Variants in ETV1 observed in about 807,000 individuals in gnomAD.
The protein encoded by ETV1 is ETS translocation variant 1.
Under a neutral mutation model 62.3 loss-of-function variants are expected in ETV1, and 27 were observed. The ratio of observed to expected loss-of-function variants is 0.43; its 90% CI spans 0.32 to 0.60. The LOEUF (loss-of-function observed/expected upper bound fraction) is 0.60. ETV1 is among the 20% of genes least tolerant of loss of function. ETV1 has a pLI of 0.06. For missense variants in ETV1, 605 were observed against 605.8 expected (o/e 1.00, Z 0.01); for synonymous variants, 222 against 199.6 (o/e 1.11, Z -0.94).
In ETV1 at chr7:13,935,854, G is replaced by T. The variant is rs1488719060; in HGVS notation, c.408C>A (p.Asn136Lys). The T allele has an allele frequency of 2.5e-6, 4 of 1,613,832 alleles. No individual in the cohort carries two copies. The highest frequency in any genetic ancestry group is 3.4e-6 in the Non-Finnish European group (4 of 1,179,808). Residue 136 changes from asparagine (N) to lysine (K), a missense_variant, in exon 8 of 14, where the codon AAC becomes AAA. Asn to Lys is a moderately conservative substitution (Grantham distance 94). Transcript: ENST00000430479. Reference sequence around the variant, plus strand: ...CTGGCGTGCTGGATGGTGTGGGGGGGTTGGAGGGCCTCATTCCCACTTGTG... The same window carrying T: ...CTGGCGTGCTGGATGGTGTGGGGGGTTTGGAGGGCCTCATTCCCACTTGTG... ...QKPQVGMRPS[N>K]PPTPSSTPVS...
At chr7:13,990,748 C>T (rs1183067970), upstream of ETV1, 1 of 152,218 alleles carries the variant, frequency 6.6e-6, no homozygotes, top group Non-Finnish European at 1.5e-5. Flanking sequence ...GAGCCAGTGT[C>T]CAACAGCGGA....
At chr7:13,977,034 T>G (rs143224394) in intron 6 of ETV1, among the ~76,000 whole-genome samples, 24 of 152,334 alleles carry the variant, frequency 1.6e-4, no homozygotes, top group African/African-American at 5.5e-4. Flanking sequence ...CTCAAGTAGT[T>G]TTTAACTCTA....
intron 6 of ETV1, among the ~76,000 whole-genome samples, chr7:13,965,085 C>T (rs757699): frequency 0.57 from 86,683 of 152,050 alleles, 25,259 homozygotes; most frequent in Admixed American, 0.67. Context: ...CATTCCCAAA[C>T]GGCTGTTCTC....
upstream of ETV1, chr7:13,989,729 A>T (rs1398636340): frequency 7.5e-6 from 3 of 397,428 alleles, no homozygotes; most frequent in Non-Finnish European, 4.4e-6. Context: ...ATCCAAACTG[A>T]TGGATCGCTG....
rs1782861115 is a variant in ETV1, at chr7:13,989,479, ACACCTCT to A, written c.-284-22_-284-16del. 2.5e-6 allele frequency: 1 copy of A among 403,132 alleles called. No individual in the cohort carries two copies. The highest frequency in any genetic ancestry group is 3.6e-5 in the East Asian group (1 of 28,154). The allele number at this position is 403,132 out of a possible 1,614,324, so 25.0% of individuals were successfully genotyped here. On this transcript the variant is annotated splice_polypyrimidine_tract_variant and intron_variant, in intron 1 of 13. Coordinates refer to ENST00000430479, the MANE Select transcript of ETV1 (RefSeq NM_004956.5). ...ACCTAACGGGACTAAAGAGACGGAG[ACACCTCT>A]TTCATCAGGATAGTTTTTGCGACCC...
chr7:13,903,996 T>A (rs965912971), intron 12 of ETV1, among the ~76,000 whole-genome samples: 2 of 152,094 alleles, frequency 1.3e-5, no homozygotes, highest in Non-Finnish European at 2.9e-5. Flanking sequence ...CCATCAGTAA[T>A]TCCAATAAGA....
chr7:13,984,820 A>G (rs1383788497), intron 5 of ETV1, among the ~76,000 whole-genome samples: 3 of 152,030 alleles, frequency 2.0e-5, no homozygotes, highest in Non-Finnish European at 4.4e-5. Context: ...AGGTATGTTA[A>G]TAATCCCGGA....
chr7:13,920,996 T>C (rs1784781767), intron 9 of ETV1, among the ~76,000 whole-genome samples: 2 of 152,196 alleles, frequency 1.3e-5, no homozygotes, highest in African/African-American at 4.8e-5. Context: ...GATCTACTAG[T>C]CCACAAATCA....
rs540353884 is a variant in ETV1 at position 13,935,734 on chromosome 7, T to C, written c.528A>G (p.Pro176=). ...PAHLPPSQSI[P]DSSYPMDHRF... ...TGTGGTCCATGGGGTAGCTGCTATC[T>C]GGTATGGACTGCGATGGAGGGAGGT... Residue 176 remains proline (P), a synonymous_variant, in exon 8 of 14, where the codon CCA becomes CCG. Coordinates refer to ENST00000430479, the MANE Select transcript of ETV1 (RefSeq NM_004956.5). The C allele has an allele frequency of 2.4e-5, 38 of 1,613,866 alleles. No homozygotes were observed. In the East Asian group the frequency reaches 6.0e-4, roughly 26 times the overall value.
chr7:13,939,104 C>G lies in ETV1; in HGVS notation c.365+13G>C, dbSNP rs191680052. The stretch of plus-strand genomic sequence containing the variant: ...GAACCACTATCCTACATACATACAC[C>G]TGGTGGCTTTACCTGACATTGTACA... On this transcript the variant is annotated intron_variant, in intron 7 of 13. Transcript: ENST00000430479. 4.3e-6 allele frequency: 7 copies of G among 1,610,918 alleles called. No individual in the cohort carries two copies. Among genetic ancestry groups the G allele is most frequent in the Admixed American group, 1.7e-5 (1 of 59,370 alleles).
intron 6 of ETV1, among the ~76,000 whole-genome samples, chr7:13,968,338 A>T (rs1437627187): frequency 1.3e-5 from 2 of 151,932 alleles, no homozygotes; most frequent in Non-Finnish European, 2.9e-5. Flanking sequence ...AAGAGCAAGC[A>T]CCAGTTTTGT....
intron 8 of ETV1, among the ~76,000 whole-genome samples, chr7:13,933,936 G>T (rs73276809): frequency 0.022 from 3,320 of 152,274 alleles, 94 homozygotes; most frequent in African/African-American, 0.071. Flanking sequence ...TATTCAGCAG[G>T]CACCTTCCCT....
chr7:13,907,291 C>G (rs1223912641), intron 11 of ETV1, among the ~76,000 whole-genome samples: 1 of 152,120 alleles, frequency 6.6e-6, no homozygotes, highest in African/African-American at 2.4e-5. Context: ...CAAAAATTCT[C>G]TCTCATTTTT....
intron 9 of ETV1, among the ~76,000 whole-genome samples, chr7:13,927,298 A>T (rs1162688047): frequency 6.6e-6 from 1 of 152,066 alleles, no homozygotes; most frequent in East Asian, 1.9e-4. Flanking sequence ...AAAAATATAG[A>T]AAAATCAGCT....
intron 8 of ETV1, among the ~76,000 whole-genome samples, chr7:13,935,503 A>G (rs1786699402): frequency 2.0e-5 from 3 of 152,230 alleles, no homozygotes; most frequent in Admixed American, 1.3e-4. Context: ...ACCAATTTAA[A>G]TGTTTATAAA....
At chr7:13,935,530 G>T (rs181234410) in intron 8 of ETV1, among the ~76,000 whole-genome samples, 178 bp downstream of exon 8, 194 of 152,292 alleles carry the variant, frequency 1.3e-3, no homozygotes, top group Non-Finnish European at 2.1e-3. Context: ...GTTTATAAAT[G>T]ACTTTCTCCA....
In ETV1 at chr7:13,909,636, G is replaced by A. The variant is rs765227604; in HGVS notation, c.936C>T (p.Phe312=). The change falls in exon 11 of 14, where the codon TTC becomes TTT. Residue 312 remains phenylalanine (F), a synonymous_variant. Transcript: ENST00000430479. ...GAGGCAAAGTGTAAAACCTACCATC[G>A]AATTTTTCTGGGACAACACAGGTGT... ...YDDTCVVPEK[F]DGDIKQEPGM... 19 of 1,612,198 alleles carry A rather than the reference G, an allele frequency of 1.2e-5. No individual in the cohort carries two copies. The highest frequency in any genetic ancestry group is 1.2e-4 in the Admixed American group (7 of 59,934).
At position 13,989,026 on chromosome 7, in the gene ETV1, C is replaced by T; in HGVS notation, c.27G>A (p.Val9=). 2 of 1,606,994 alleles carry T rather than the reference C, an allele frequency of 1.2e-6. No individual in the cohort carries two copies. The highest frequency in any genetic ancestry group is 1.7e-6 in the Non-Finnish European group (2 of 1,176,402). The change falls in exon 3 of 14, where the codon GTG becomes GTA. Residue 9 remains valine, a synonymous_variant. Transcript: ENST00000430479. ...CACTCACATTGGTGACCATGTAAGG[C>T]ACTTGCTGGTCATAAAATCCATCCA... MDGFYDQQ[V]PYMVTNSQRG... is the part of the protein sequence containing the mutation.
chr7:13,898,081 T>C (rs184030796), intron 13 of ETV1, among the ~76,000 whole-genome samples: 3 of 152,350 alleles, frequency 2.0e-5, no homozygotes, highest in African/African-American at 7.2e-5. Context: ...TTTTTAGGGC[T>C]ACTACTTCAT....
Sources: gnomAD v4.1 joint callset for allele counts (sites outside exome capture counted in the v4.1 genomes callset) on GRCh38, gnomAD v4.1.1 for gene constraint, MANE v1.5 for transcripts, NCBI Gene and HGNC (gene_info 2026-07-23, HGNC 2026-07-21) for gene names.